The following ATP10A variants were observed in gnomAD, a reference collection of about 807,000 sequenced individuals.
The protein encoded by ATP10A is phospholipid-transporting ATPase VA.
In ATP10A, 111 loss-of-function variants were observed where a neutral mutation model predicts 147.8. The ratio of observed to expected loss-of-function variants is 0.75; its 90% CI spans 0.64 to 0.88. ATP10A has a LOEUF of 0.88. ATP10A is among the 40% of genes least tolerant of loss of function. The pLI is 0.00. For synonymous variants in ATP10A, 875 were observed against 841.6 expected (o/e 1.04, Z -0.69); for missense variants, 1,927 against 1,959.0 (o/e 0.98, Z 0.31).
chr15:25,783,027 T>G (rs1451948591), intron 1 of ATP10A, among the ~76,000 whole-genome samples: 2 of 151,468 alleles, frequency 1.3e-5, no homozygotes, highest in African/African-American at 4.9e-5. Context: ...AAAAAAAAAA[T>G]TAGTTGGGCA....
rs925048079 is a variant in ATP10A, at chr15:25,713,715, G to T, written c.2303C>A (p.Ala768Asp). 1 of 1,613,980 alleles carries T rather than the reference G, an allele frequency of 6.2e-7. No individual in the cohort carries two copies. Among genetic ancestry groups the T allele is most frequent in the Non-Finnish European group, 8.5e-7 (1 of 1,180,034 alleles). The part of the protein sequence containing the change: ...TDEINVYTKG[A>D]DSVVMDLLQP... ...CAGGAGATCCATGACCACTGAGTCG[G>T]CCCCCTTGGTGTAGACGTTGATCTC... Residue 768 changes from alanine to aspartate, a missense_variant, in exon 10 of 21, where the codon GCC becomes GAC. Physicochemically the swap from Ala to Asp is moderately radical, Grantham distance 126. Coordinates refer to ENST00000555815, the MANE Select transcript of ATP10A (RefSeq NM_024490.4).
At chr15:25,836,572 G>A (rs1375985203) in intron 1 of ATP10A, among the ~76,000 whole-genome samples, 1 of 152,190 alleles carries the variant, frequency 6.6e-6, no homozygotes, top group Non-Finnish European at 1.5e-5. Flanking sequence ...GGCTGGACAG[G>A]CCCAGCACCT....
downstream of ATP10A, among the ~76,000 whole-genome samples, chr15:25,675,469 T>C (rs2140262125): frequency 6.6e-6 from 1 of 151,696 alleles, no homozygotes; most frequent in African/African-American, 2.4e-5. Flanking sequence ...AAAAAAGGAG[T>C]TGCAACAGGA....
Position 25,691,790 on chromosome 15 carries a change from A to G in ATP10A, c.3090T>C (p.Gly1030=). The G allele has an allele frequency of 6.2e-7, 1 of 1,614,138 alleles. No homozygotes were observed. The change falls in exon 15 of 21, where the codon GGT becomes GGC. Residue 1030 remains glycine (G), a splice_region_variant and synonymous_variant. Coordinates refer to ENST00000555815, the MANE Select transcript of ATP10A (RefSeq NM_024490.4). ...TCATGCTGACATCATTGGCTCCATCACCTAGAAACAGCACAGGCAAGAAGA... is the reference window on the plus strand; with the variant it reads ...TCATGCTGACATCATTGGCTCCATCGCCTAGAAACAGCACAGGCAAGAAGA... ...SKLKAMTLAI[G]DGANDVSMIQ... is the part of the protein sequence containing the mutation.
In ATP10A at chr15:25,732,701, G is replaced by A. The variant is rs189081324; in HGVS notation, c.740+3355C>T. On this transcript the variant is annotated intron_variant, in intron 3 of 20. Coordinates refer to ENST00000555815, the MANE Select transcript of ATP10A (RefSeq NM_024490.4). ...CACCCGAGTAGCTGGGACTACAGGC[G>A]CCCTCCATGACACCTGGCTAGTTTT... 5.2e-3 allele frequency among the ~76,000 whole-genome samples: 794 copies of A among 151,724 alleles called. 5 individuals carry two copies. The highest frequency in any genetic ancestry group is 0.021 in the Middle Eastern group (6 of 292).
At chr15:25,780,564 A>G (rs756089103) in intron 2 of ATP10A, among the ~76,000 whole-genome samples, 7 of 152,154 alleles carry the variant, frequency 4.6e-5, no homozygotes, top group Non-Finnish European at 8.8e-5. Flanking sequence ...CACGGTGGCC[A>G]GGGCACACCA....
At chr15:25,793,431 C>G (rs998507346) in intron 1 of ATP10A, among the ~76,000 whole-genome samples, 1 of 152,196 alleles carries the variant, frequency 6.6e-6, no homozygotes, top group Non-Finnish European at 1.5e-5. Flanking sequence ...TTTCTGAGTA[C>G]TGTGCAGTTT....
chr15:25,809,451 C>A (rs1218160027), intron 1 of ATP10A, among the ~76,000 whole-genome samples: 3 of 152,024 alleles, frequency 2.0e-5, no homozygotes, highest in Non-Finnish European at 1.5e-5. Flanking sequence ...AGTATCAAAC[C>A]TTAATTTAAG....
chr15:25,693,530 G>A (rs764343473), intron 14 of ATP10A, among the ~76,000 whole-genome samples: 1 of 115,158 alleles, frequency 8.7e-6, no homozygotes, highest in Non-Finnish European at 1.9e-5. Context: ...CAGGGCTGAC[G>A]TTGTCCTCGT....
At chr15:25,767,163 G>A (rs1281114570) in intron 2 of ATP10A, among the ~76,000 whole-genome samples, 6 of 152,206 alleles carry the variant, frequency 3.9e-5, no homozygotes, top group Non-Finnish European at 1.5e-5. Flanking sequence ...CACCGCTGCA[G>A]GCCTTTCAGC....
chr15:25,817,821 T>C (rs1891729541), intron 1 of ATP10A, among the ~76,000 whole-genome samples: 1 of 152,262 alleles, frequency 6.6e-6, no homozygotes, highest in South Asian at 2.1e-4. Context: ...CACGGGGCTC[T>C]TGTGAAGATG....
intron 13 of ATP10A, among the ~76,000 whole-genome samples, chr15:25,699,807 G>C (rs930215413): frequency 6.6e-6 from 1 of 152,158 alleles, no homozygotes; most frequent in Non-Finnish European, 1.5e-5. Flanking sequence ...GGTTGAGGCT[G>C]TAATGAGTTG....
downstream of ATP10A, chr15:25,677,227 A>T (rs1023468613): frequency 2.6e-5 from 4 of 152,156 alleles, no homozygotes; most frequent in Admixed American, 2.6e-4. Flanking sequence ...TTTTGAGATA[A>T]TCATGAAGTT....
At chr15:25,817,997 T>C (rs937371741) in intron 1 of ATP10A, among the ~76,000 whole-genome samples, 2 of 134,158 alleles carry the variant, frequency 1.5e-5, no homozygotes, top group Non-Finnish European at 3.1e-5. Flanking sequence ...GGTCAGATGG[T>C]AGTGGGTTAT....
chr15:25,684,494 G>C (rs117533570), intron 16 of ATP10A, among the ~76,000 whole-genome samples: 1 of 152,194 alleles, frequency 6.6e-6, no homozygotes, highest in Non-Finnish European at 1.5e-5. Flanking sequence ...GATCGCCTAC[G>C]GTGTATGGTG....
At chr15:25,781,276 A>G (rs1746562052) in intron 1 of ATP10A, 53 bp from the exon 2 acceptor site, 2 of 1,496,272 alleles carry the variant, frequency 1.3e-6, no homozygotes, top group Non-Finnish European at 1.8e-6. Flanking sequence ...TCGTGGCTGG[A>G]TCTGGGTGAT....
At chr15:25,741,675 G>A (rs768870865) in intron 2 of ATP10A, among the ~76,000 whole-genome samples, 5 of 152,098 alleles carry the variant, frequency 3.3e-5, no homozygotes, top group African/African-American at 1.2e-4. Flanking sequence ...ATTCAAAGGA[G>A]GGCAGATGGC....
Position 25,721,794 on chromosome 15 carries a change from C to G in ATP10A, c.1226G>C (p.Cys409Ser). 1 of 1,614,184 alleles carries G rather than the reference C, an allele frequency of 6.2e-7. No individual in the cohort carries two copies. Among genetic ancestry groups the G allele is most frequent in the Non-Finnish European group, 8.5e-7 (1 of 1,180,042 alleles). The stretch of plus-strand genomic sequence containing the variant: ...GTCTTCCGTGATGTTCAGAGCTCGG[C>G]ACTGCAGCTGCGAGTCTGTTTCTTC... ...YDEETDSQLQ[C>S]RALNITEDLG... Residue 409 changes from cysteine to serine, a missense_variant, in exon 7 of 21, where the codon TGC becomes TCC. Coordinates refer to ENST00000555815, the MANE Select transcript of ATP10A (RefSeq NM_024490.4).
At chr15:25,779,336 A>G (rs1216186782) in intron 2 of ATP10A, among the ~76,000 whole-genome samples, 1 of 152,178 alleles carries the variant, frequency 6.6e-6, no homozygotes, top group African/African-American at 2.4e-5. Flanking sequence ...CATTTGTTTA[A>G]GTGGCACTCA....
Sources: allele counts gnomAD v4.1 joint callset (sites outside exome capture counted in the v4.1 genomes callset), GRCh38; gene constraint gnomAD v4.1.1; transcripts MANE v1.5; gene names NCBI Gene and HGNC (gene_info 2026-07-23, HGNC 2026-07-21).